Variants in CDCP2 observed in about 807,000 individuals in gnomAD.
The protein encoded by CDCP2 is CUB domain-containing protein 2.
A neutral mutation model predicts 31.0 loss-of-function variants in CDCP2; 31 were observed. That is an observed-to-expected ratio of 1.00 (90% CI 0.75 to 1.35). The LOEUF is 1.35. Among genes scored for constraint, CDCP2 ranks in the 40% most tolerant of loss-of-function variants. The probability of loss-of-function intolerance (pLI) is 0.00; values close to 1 mark genes in which losing one functional copy is unlikely to be tolerated. For missense variants in CDCP2, 443 were observed against 482.6 expected (o/e 0.92, Z 0.77); for synonymous variants, 206 against 207.9 (o/e 0.99, Z 0.08).
chr1:54,141,623 C>T (rs1242808668), intron 2 of CDCP2, 190 bp from the exon 3 acceptor site: 3 of 556,484 alleles, frequency 5.4e-6, no homozygotes, highest in East Asian at 5.9e-5. Context: ...GGCACCTATG[C>T]TGCCTGTTCA....
At chr1:54,136,494 C>T in intron 5 of CDCP2, 136 bp downstream of exon 5, 1 of 397,902 alleles carries the variant, frequency 2.5e-6, no homozygotes, top group East Asian at 3.6e-5. Context: ...GTAAGTAAAG[C>T]CAAGAAGGGG....
intron 1 of CDCP2, among the ~76,000 whole-genome samples, chr1:54,149,994 T>C (rs1469856651): frequency 6.6e-6 from 1 of 152,364 alleles, no homozygotes; most frequent in East Asian, 1.9e-4. Context: ...CTTTGCCTCT[T>C]GCAACAATAG....
At chr1:54,137,662 C>CGTGTGT (rs1164770977) in intron 4 of CDCP2, 1 of 51,768 alleles carries the variant, frequency 1.9e-5, no homozygotes, top group Non-Finnish European at 4.5e-5. Context: ...TTTGGGTGAG[C>CGTGTGT]ATGTGTGTGT....
intron 5 of CDCP2, among the ~76,000 whole-genome samples, chr1:54,134,124 T>C (rs1304998432): frequency 1.3e-5 from 2 of 152,172 alleles, no homozygotes; most frequent in Non-Finnish European, 2.9e-5. Flanking sequence ...CCCCCATCCT[T>C]GGCAAATTTA....
intron 4 of CDCP2, among the ~76,000 whole-genome samples, 175 bp from the exon 5 acceptor site, chr1:54,136,983 T>C (rs1332417350): frequency 6.6e-6 from 1 of 152,212 alleles, no homozygotes; most frequent in Non-Finnish European, 1.5e-5. Context: ...TACGGGTTAC[T>C]CTGTTCACCT....
At chr1:54,133,679 G>A (rs1245697870) in intron 5 of CDCP2, among the ~76,000 whole-genome samples, 1 of 152,166 alleles carries the variant, frequency 6.6e-6, no homozygotes, top group African/African-American at 2.4e-5. Flanking sequence ...GGCGGATCAT[G>A]AGGTCAGGAG....
intron 1 of CDCP2, among the ~76,000 whole-genome samples, chr1:54,151,105 G>A (rs1324056313): frequency 6.6e-6 from 1 of 152,206 alleles, no homozygotes; most frequent in African/African-American, 2.4e-5. Flanking sequence ...ATTTGAGTTT[G>A]TCTAGGAAGA....
intron 4 of CDCP2, chr1:54,139,502 G>T (rs769419434): frequency 4.1e-5 from 65 of 1,597,534 alleles, no homozygotes; most frequent in Non-Finnish European, 5.4e-5. Context: ...AGATGGGGAG[G>T]GGTGAGGACT....
At chr1:54,148,200 T>C (rs917041348) in intron 1 of CDCP2, among the ~76,000 whole-genome samples, 1 of 151,330 alleles carries the variant, frequency 6.6e-6, no homozygotes, top group South Asian at 2.1e-4. Context: ...GTTTGAATTT[T>C]TTTTTACTGG....
exon 5 of CDCP2, chr1:54,136,804 C>T (rs776991049): frequency 1.0e-5 from 4 of 399,194 alleles, no homozygotes; most frequent in Non-Finnish European, 1.8e-5. Flanking sequence ...CGTTCATGGG[C>T]ACCACTGGGA....
chr1:54,146,786 G>A (rs1376374564), intron 1 of CDCP2, among the ~76,000 whole-genome samples: 3 of 151,784 alleles, frequency 2.0e-5, no homozygotes, highest in Non-Finnish European at 2.9e-5. Flanking sequence ...AGACTGCTGA[G>A]ATTGTGTGGA....
At chr1:54,144,698 T>G (rs1263751254) in exon 2 of CDCP2, 1 of 1,614,048 alleles carries the variant, frequency 6.2e-7, no homozygotes, top group East Asian at 2.2e-5. Flanking sequence ...GCACCGAGGA[T>G]CCCTCGGCCA....
At chr1:54,147,147 G>A (rs1190355565) in intron 1 of CDCP2, among the ~76,000 whole-genome samples, 2 of 146,986 alleles carry the variant, frequency 1.4e-5, no homozygotes, top group Admixed American at 6.8e-5. Context: ...GGCTAAAGAA[G>A]GTACAATTCG....
chr1:54,132,865 C>T (rs1659189267), downstream of CDCP2: 2 of 397,560 alleles, frequency 5.0e-6, no homozygotes, highest in Admixed American at 8.8e-5. Context: ...AGGGATATGA[C>T]CTGCCAATGG....
chr1:54,144,409 A>T, intron 2 of CDCP2, 57 bp downstream of exon 2: 2 of 1,462,712 alleles, frequency 1.4e-6, no homozygotes, highest in Admixed American at 4.5e-5. Context: ...GGCTTGCCAA[A>T]GCACCAGGAT....
At chr1:54,145,297 G>A (rs1437651483) in intron 1 of CDCP2, among the ~76,000 whole-genome samples, 6 of 152,142 alleles carry the variant, frequency 3.9e-5, no homozygotes, top group East Asian at 1.9e-4. Flanking sequence ...GTGGTGGTGC[G>A]CGCCTGTAGT....
In CDCP2 at chr1:54,141,078, G is replaced by A. The variant is rs192598213; in HGVS notation, c.763+20C>T. The A allele has an allele frequency of 2.3e-4, 354 of 1,512,022 alleles. No homozygotes were observed. The African/African-American group carries it at 4.1e-3, about 17-fold the overall frequency. The allele number at this position is 1,512,022 out of a possible 1,614,324, so 93.7% of individuals were successfully genotyped here. On this transcript the variant is annotated intron_variant, in intron 3 of 5. Coordinates refer to ENST00000530059, the Ensembl canonical transcript of CDCP2. ...CAGTAGGCACAGGAGGATTCAGGGT[G>A]GAGCGCCAGCCCCTCCTACCTGAGA...
intron 5 of CDCP2, among the ~76,000 whole-genome samples, chr1:54,134,643 C>T (rs1015994090): frequency 4.6e-5 from 7 of 152,192 alleles, no homozygotes; most frequent in Non-Finnish European, 7.3e-5. Flanking sequence ...TAGGAAGTCC[C>T]CAGCACCAGA....
chr1:54,139,103 G>A (rs1351736957), intron 4 of CDCP2: 2 of 173,070 alleles, frequency 1.2e-5, no homozygotes, highest in African/African-American at 4.8e-5. Context: ...AGGTTCTAGA[G>A]ATGCTTTTGC....
Sources: gnomAD v4.1 joint callset for allele counts (sites outside exome capture counted in the v4.1 genomes callset) on GRCh38, gnomAD v4.1.1 for gene constraint, MANE v1.5 for transcripts, NCBI Gene and HGNC (gene_info 2026-07-23, HGNC 2026-07-21) for gene names.